The following LAMA2 variants were observed in gnomAD, a reference collection of about 807,000 sequenced individuals.
LAMA2 encodes the protein laminin subunit alpha-2.
LAMA2 carries 269 observed loss-of-function variants against 364.8 expected under a neutral mutation model. The observed-to-expected ratio is 0.74, with a 90% CI of 0.67 to 0.82. The LOEUF is 0.82. Among genes scored for constraint, LAMA2 ranks in the 40% least tolerant of loss-of-function variants. LAMA2 has a pLI of 0.00. For missense variants in LAMA2, 3,807 were observed against 3,873.2 expected, an observed-to-expected ratio of 0.98 and a Z score of 0.45; for synonymous variants, 1,379 against 1,370.6, an observed-to-expected ratio of 1.01 and a Z score of -0.14.
chr6:129,450,375 A>AGT (rs1483613358), intron 45 of LAMA2, among the ~76,000 whole-genome samples: 7 of 151,964 alleles, frequency 4.6e-5, no homozygotes, highest in African/African-American at 1.7e-4. Flanking sequence ...GCTGGAGTAC[A>AGT]GTGGCACGAT....
At chr6:129,417,691 T>C (rs1053510050) in intron 40 of LAMA2, among the ~76,000 whole-genome samples, 3 of 152,000 alleles carry the variant, frequency 2.0e-5, no homozygotes, top group African/African-American at 4.8e-5. Flanking sequence ...TAGGGTCACC[T>C]TCAGGCCCAT....
chr6:129,225,815 T>C (rs1465695856), intron 12 of LAMA2, among the ~76,000 whole-genome samples: 2 of 152,218 alleles, frequency 1.3e-5, no homozygotes, highest in Non-Finnish European at 2.9e-5. Flanking sequence ...ATTCTGTTGA[T>C]TTGGGGTGGA....
At chr6:128,941,174 T>A (rs982634371) in intron 1 of LAMA2, among the ~76,000 whole-genome samples, 1 of 152,072 alleles carries the variant, frequency 6.6e-6, no homozygotes, top group African/African-American at 2.4e-5. Flanking sequence ...CTTGCTGGAG[T>A]GGAGCAAGTC....
chr6:129,436,192 T>C (rs774453111), intron 41 of LAMA2, among the ~76,000 whole-genome samples: 1 of 152,220 alleles, frequency 6.6e-6, no homozygotes, highest in African/African-American at 2.4e-5. Context: ...TTTTAGTACA[T>C]TGTCCCTCAC....
intron 35 of LAMA2, among the ~76,000 whole-genome samples, chr6:129,390,290 G>A (rs1779249641): frequency 6.6e-6 from 1 of 151,924 alleles, no homozygotes; most frequent in Non-Finnish European, 1.5e-5. Context: ...ATTTCTAATG[G>A]GCTCCAAGGT....
intron 1 of LAMA2, among the ~76,000 whole-genome samples, chr6:129,037,280 A>C (rs1786708427): frequency 6.6e-6 from 1 of 152,170 alleles, no homozygotes; most frequent in South Asian, 2.1e-4. Context: ...TAGCAGGATA[A>C]ATATTGTCTA....
chr6:129,143,239 G>T (rs1191015515), intron 4 of LAMA2, among the ~76,000 whole-genome samples: 1 of 151,496 alleles, frequency 6.6e-6, no homozygotes, highest in East Asian at 1.9e-4. Context: ...TTCCATTCAG[G>T]TTTAACATAT....
At chr6:128,965,242 A>G (rs1781763679) in intron 1 of LAMA2, among the ~76,000 whole-genome samples, 1 of 152,092 alleles carries the variant, frequency 6.6e-6, no homozygotes, top group Admixed American at 6.6e-5. Flanking sequence ...AATATATTGG[A>G]AAACTAAGTA....
chr6:128,981,762 A>C (rs1490868532), intron 1 of LAMA2, among the ~76,000 whole-genome samples: 1 of 152,056 alleles, frequency 6.6e-6, no homozygotes, highest in East Asian at 1.9e-4. Context: ...AAAGAAAATA[A>C]TAATAATAAT....
chr6:129,099,643 C>T (rs1775404891), intron 4 of LAMA2, among the ~76,000 whole-genome samples: 1 of 152,192 alleles, frequency 6.6e-6, no homozygotes, highest in Admixed American at 6.5e-5. Context: ...CATGCCCACC[C>T]CAGCCAATCT....
intron 4 of LAMA2, among the ~76,000 whole-genome samples, chr6:129,136,514 C>CAG (rs879554855): frequency 2.5e-4 from 36 of 144,586 alleles, no homozygotes; most frequent in African/African-American, 6.4e-4. Context: ...GAGAGAGAGA[C>CAG]AGAGAGAGAG....
intron 1 of LAMA2, among the ~76,000 whole-genome samples, chr6:129,014,673 C>T (rs1414567677): frequency 2.0e-5 from 3 of 151,944 alleles, no homozygotes; most frequent in African/African-American, 7.2e-5. Flanking sequence ...AAAAAATATG[C>T]TATTTAGGTT....
chr6:129,256,765 T>TATATATATATATATATATATATATAGC (rs1786710793), intron 14 of LAMA2, among the ~76,000 whole-genome samples: 2 of 53,972 alleles, frequency 3.7e-5, no homozygotes, highest in South Asian at 5.7e-4. Context: ...TTATATAGCA[T>TATATATATATATATATATATATATAGC]ATATATATAT....
chr6:129,181,062 T>C (rs1305927889), intron 10 of LAMA2, among the ~76,000 whole-genome samples: 2 of 152,094 alleles, frequency 1.3e-5, no homozygotes, highest in Non-Finnish European at 2.9e-5. Context: ...TCTTAGGGGC[T>C]CTGGGTGGGT....
chr6:129,049,981 G>A lies in LAMA2; in HGVS notation c.176G>A (p.Gly59Glu), dbSNP rs748303070. The A allele has an allele frequency of 6.2e-7, 1 of 1,613,950 alleles. No homozygotes were observed. Among genetic ancestry groups the A allele is most frequent in the South Asian group, 1.1e-5 (1 of 91,070 alleles). ...CTTATCACGACCAATGCAACATGTG[G>A]AGAAAAAGGACCTGAAATGTACTGC... ...NALITTNATCGEKGPEMYCKL... is the reference protein window; with the variant it reads ...NALITTNATCEEKGPEMYCKL... Residue 59 changes from glycine (G) to glutamate (E), a missense_variant, in exon 2 of 65, where the codon GGA (glycine) becomes GAA (glutamate). By Grantham distance (98) the Gly-to-Glu change is moderately conservative. This residue lies in a region of LAMA2 where 394 missense variants were observed against 403.5 expected (regional missense o/e 0.98). Transcript: ENST00000421865.
intron 55 of LAMA2, among the ~76,000 whole-genome samples, chr6:129,482,218 G>A (rs1784381737): frequency 1.3e-5 from 2 of 152,202 alleles, no homozygotes; most frequent in East Asian, 3.9e-4. Flanking sequence ...CTATTCAGCT[G>A]TTCACGCCAC....
At chr6:129,111,385 G>C (rs914572943) in intron 4 of LAMA2, among the ~76,000 whole-genome samples, 1 of 151,956 alleles carries the variant, frequency 6.6e-6, no homozygotes, top group African/African-American at 2.4e-5. Flanking sequence ...GGCAGTCCTG[G>C]CAAGGTTATA....
At chr6:129,288,850 A>G (rs1410247210) in intron 19 of LAMA2, among the ~76,000 whole-genome samples, 1 of 152,226 alleles carries the variant, frequency 6.6e-6, no homozygotes. Flanking sequence ...AGCTTCATTT[A>G]CTATCATAAT....
At chr6:129,412,822 G>A (rs1307389510) in intron 40 of LAMA2, among the ~76,000 whole-genome samples, 1 of 152,184 alleles carries the variant, frequency 6.6e-6, no homozygotes, top group Non-Finnish European at 1.5e-5. Flanking sequence ...TACCATACTG[G>A]CTCATGAAGC....
Sources: allele counts gnomAD v4.1 joint callset (sites outside exome capture counted in the v4.1 genomes callset), GRCh38; gene constraint gnomAD v4.1.1; regional missense constraint gnomAD v4.1.1; transcripts MANE v1.5; gene names NCBI Gene and HGNC (gene_info 2026-07-23, HGNC 2026-07-21).